The following GNA14 variants were observed in gnomAD, a reference collection of about 807,000 sequenced individuals.
The protein encoded by GNA14 is G protein subunit alpha 14, also known as guanine nucleotide-binding protein subunit alpha-14.
A neutral mutation model predicts 42.0 loss-of-function variants in GNA14; 50 were observed. The ratio of observed to expected loss-of-function variants is 1.19; its 90% CI spans 0.95 to 1.51. GNA14 has a LOEUF of 1.51. GNA14 is among the 40% of genes most tolerant of loss of function. GNA14 has a pLI of 0.00. For synonymous variants in GNA14, 173 were observed against 163.1 expected, an observed-to-expected ratio of 1.06 and a Z score of -0.46; for missense variants, 473 against 446.2, an observed-to-expected ratio of 1.06 and a Z score of -0.54.
intron 2 of GNA14, among the ~76,000 whole-genome samples, chr9:77,516,828 T>C (rs1397662291): frequency 6.6e-6 from 1 of 151,962 alleles, no homozygotes; most frequent in East Asian, 1.9e-4. Flanking sequence ...GTGACAAGAG[T>C]AATCTCTGGC....
intron 1 of GNA14, among the ~76,000 whole-genome samples, chr9:77,578,082 A>G (rs1823156398): frequency 8.4e-6 from 1 of 118,784 alleles, no homozygotes; most frequent in South Asian, 2.1e-4. Context: ...CCTAGCCAAC[A>G]TGGTGAAATG....
chr9:77,436,424 T>A (rs1385177387), intron 2 of GNA14, among the ~76,000 whole-genome samples: 4 of 152,238 alleles, frequency 2.6e-5, no homozygotes, highest in African/African-American at 9.6e-5. Flanking sequence ...TTTACTATTG[T>A]AGCAGATGTC....
intron 1 of GNA14, among the ~76,000 whole-genome samples, chr9:77,642,291 A>G (rs1824279986): frequency 6.6e-6 from 1 of 152,226 alleles, no homozygotes; most frequent in African/African-American, 2.4e-5. Context: ...GGCCTCAGGA[A>G]CTGCTGTGTT....
chr9:77,588,919 G>A (rs1332095811), intron 1 of GNA14, among the ~76,000 whole-genome samples: 1 of 152,188 alleles, frequency 6.6e-6, no homozygotes, highest in Non-Finnish European at 1.5e-5. Flanking sequence ...GTCTAAAAGT[G>A]CCTGGGACAC....
At chr9:77,532,314 C>T (rs919780530) in intron 1 of GNA14, among the ~76,000 whole-genome samples, 2 of 152,180 alleles carry the variant, frequency 1.3e-5, no homozygotes, top group East Asian at 1.9e-4. Context: ...TCTCATCCAT[C>T]GCTCCCATCA....
intron 1 of GNA14, among the ~76,000 whole-genome samples, chr9:77,538,005 T>C (rs1837617435): frequency 6.6e-6 from 1 of 152,084 alleles, no homozygotes; most frequent in African/African-American, 2.4e-5. Context: ...AAATATTTTC[T>C]CCCATTCAAC....
In GNA14 at chr9:77,581,316, T is replaced by G. The variant is rs563293946; in HGVS notation, c.125-52063A>C. Among the ~76,000 whole-genome samples, 7 of 152,192 alleles carry G rather than the reference T, an allele frequency of 4.6e-5. No individual in the cohort carries two copies. The South Asian group carries it at 1.4e-3, about 31-fold the overall frequency. On this transcript the variant is annotated intron_variant, in intron 1 of 6. Coordinates refer to ENST00000341700, the MANE Select transcript of GNA14 (RefSeq NM_004297.4). Reference sequence around the variant, plus strand: ...GTTCTTTTCAGAGGGAGCTAACAGGTTGACAGCATAGAGTCCATAGCCAGA... The same window carrying G: ...GTTCTTTTCAGAGGGAGCTAACAGGGTGACAGCATAGAGTCCATAGCCAGA...
chr9:77,455,443 A>G (rs1373247722), intron 2 of GNA14, among the ~76,000 whole-genome samples: 1 of 152,188 alleles, frequency 6.6e-6, no homozygotes, highest in Non-Finnish European at 1.5e-5. Context: ...TAATCGTGGG[A>G]GTGACAGCCA....
intron 1 of GNA14, among the ~76,000 whole-genome samples, chr9:77,597,835 C>A (rs1039795469): frequency 6.6e-6 from 1 of 151,738 alleles, no homozygotes; most frequent in Non-Finnish European, 1.5e-5. Flanking sequence ...GAGGCTGAGG[C>A]GAGATCACTT....
At chr9:77,434,262 G>A (rs1484591622) in intron 3 of GNA14, 106 bp downstream of exon 3, 3 of 1,034,194 alleles carry the variant, frequency 2.9e-6, no homozygotes, top group Non-Finnish European at 4.3e-6. Flanking sequence ...AAGTAGCGCT[G>A]CCACTGTGCA....
At position 77,480,370 on chromosome 9, in the gene GNA14, C is replaced by T. The variant is rs372038662; in HGVS notation, c.310-45848G>A. Reference sequence around the variant, plus strand: ...GATTATGTTTATTGATTTGCATATGCTGAACCAGCCTTGCATCCCAGGGAT... The same window carrying T: ...GATTATGTTTATTGATTTGCATATGTTGAACCAGCCTTGCATCCCAGGGAT... On this transcript the variant is annotated intron_variant, in intron 2 of 6. Coordinates refer to ENST00000341700, the MANE Select transcript of GNA14 (RefSeq NM_004297.4). Among the ~76,000 whole-genome samples the T allele has an allele frequency of 1.0e-3, 157 of 152,230 alleles. 1 individual carries two copies. The South Asian group carries it at 0.012, about 11-fold the overall frequency.
chr9:77,613,044 A>T (rs1289964250), intron 1 of GNA14, among the ~76,000 whole-genome samples: 2 of 152,204 alleles, frequency 1.3e-5, no homozygotes, highest in African/African-American at 4.8e-5. Context: ...TTTAAAAAGA[A>T]GGAAATCCTG....
chr9:77,638,292 A>C lies in GNA14; in HGVS notation c.124+9378T>G, dbSNP rs148436948. Among the ~76,000 whole-genome samples, 716 of 152,334 alleles carry C rather than the reference A, an allele frequency of 4.7e-3. 6 individuals are homozygous for C. The highest frequency in any genetic ancestry group is 0.016 in the African/African-American group (686 of 41,582). On this transcript the variant is annotated intron_variant, in intron 1 of 6. Coordinates refer to ENST00000341700, the MANE Select transcript of GNA14 (RefSeq NM_004297.4). ...CTTGCAATCTATTTGGGGGCAGACA[A>C]GTCAACAAGTAAGCAAATAAGAATA...
intron 2 of GNA14, among the ~76,000 whole-genome samples, chr9:77,461,791 A>G (rs759380965): frequency 2.0e-5 from 3 of 152,184 alleles, no homozygotes; most frequent in Admixed American, 6.5e-5. Context: ...CTTTCCCTAA[A>G]AAAGGCCCAG....
At chr9:77,495,547 G>T (rs1248694172) in intron 2 of GNA14, among the ~76,000 whole-genome samples, 3 of 152,190 alleles carry the variant, frequency 2.0e-5, no homozygotes, top group Admixed American at 2.0e-4. Flanking sequence ...GCGCTGAGAT[G>T]TATGGACTTT....
chr9:77,533,530 G>T (rs2131771542), intron 1 of GNA14, among the ~76,000 whole-genome samples: 1 of 152,218 alleles, frequency 6.6e-6, no homozygotes, highest in East Asian at 1.9e-4. Context: ...AACTGCAACT[G>T]TCCTTTGTCA....
intron 2 of GNA14, among the ~76,000 whole-genome samples, chr9:77,459,721 T>C (rs1401337434): frequency 1.3e-5 from 2 of 152,210 alleles, no homozygotes; most frequent in African/African-American, 4.8e-5. Context: ...ATTTTCCAAA[T>C]GTCAAATGAG....
At chr9:77,519,583 G>T (rs1441690625) in intron 2 of GNA14, among the ~76,000 whole-genome samples, 1 of 152,062 alleles carries the variant, frequency 6.6e-6, no homozygotes, top group African/African-American at 2.4e-5. Context: ...TCACTTATAA[G>T]TGGGAGCTAA....
intron 1 of GNA14, among the ~76,000 whole-genome samples, chr9:77,548,704 TACA>T (rs1837752073): frequency 6.6e-6 from 1 of 152,236 alleles, no homozygotes; most frequent in Non-Finnish European, 1.5e-5. Context: ...GCTTCTTCTT[TACA>T]ACTTTTCCCC....
Sources: gnomAD v4.1 joint callset for allele counts (sites outside exome capture counted in the v4.1 genomes callset) on GRCh38, gnomAD v4.1.1 for gene constraint, MANE v1.5 for transcripts, NCBI Gene and HGNC (gene_info 2026-07-23, HGNC 2026-07-21) for gene names.